SGSM1: variants seen among roughly 807,000 people sequenced by gnomAD.
The protein encoded by SGSM1 is RUN and TBC1 domain containing 2.
Under a neutral mutation model 133.8 loss-of-function variants are expected in SGSM1, and 73 were observed. The ratio of observed to expected loss-of-function variants is 0.55; its 90% CI spans 0.45 to 0.66. The LOEUF (loss-of-function observed/expected upper bound fraction) is 0.66, where lower values mean the gene tolerates loss of function less well. SGSM1 is among the 30% of genes least tolerant of loss of function. The probability of loss-of-function intolerance (pLI) is 0.00; values close to 1 mark genes in which losing one functional copy is unlikely to be tolerated. For synonymous variants in SGSM1, 563 were observed against 573.0 expected (o/e 0.98, Z 0.25); for missense variants, 1,213 against 1,448.1 (o/e 0.84, Z 2.64).
chr22:24,853,610 C>G (rs1057141244), intron 5 of SGSM1, among the ~76,000 whole-genome samples: 5 of 148,194 alleles, frequency 3.4e-5, no homozygotes, highest in African/African-American at 1.3e-4. Flanking sequence ...GCAAAAGGCA[C>G]TTCTTTTTTT....
At position 24,806,373 on chromosome 22, in the gene SGSM1, G is replaced by T. The variant is rs1158195641; in HGVS notation, c.19+29G>T. On this transcript the variant is annotated intron_variant, in intron 1 of 24. Transcript: ENST00000400358. ...AGAGGCCGCTGGACACGAGGGCGGC[G>T]GGAGGGCAGCGCCCGGCCCCCGCAC... 21 of 1,503,788 alleles carry T rather than the reference G, an allele frequency of 1.4e-5. No individual in the cohort carries two copies. The Admixed American group carries it at 4.2e-4, about 30-fold the overall frequency. 93.2% of individuals were successfully genotyped at this position (1,503,788 alleles called of 1,614,324 possible). A position where few individuals can be genotyped will look rare whatever the true frequency, so the allele number is the denominator to read the frequency against.
In SGSM1 at chr22:24,806,684, G is replaced by C. The variant is rs1927410165; in HGVS notation, c.63+200G>C. On this transcript the variant is annotated intron_variant, in intron 2 of 24. Coordinates refer to ENST00000400358, the MANE Select transcript of SGSM1 (RefSeq NM_001098497.3). The stretch of plus-strand genomic sequence containing the variant: ...TGGGGGTGGGCGTAGGTGTGGGGAG[G>C]CTTTGGCCCATTTGAGGCTTTTTGC... 2.6e-5 allele frequency among the ~76,000 whole-genome samples: 4 copies of C among 152,198 alleles called. No individual in the cohort carries two copies. In the South Asian group the frequency reaches 8.3e-4, roughly 32 times the overall value.
rs1030895819 is a variant in SGSM1 at position 24,806,254 on chromosome 22, C to T, written c.-72C>T. ...CCCCGCCGCGGCTGCAGCAGCAGCG[C>T]CGCGGCCGGAGGAGCTACCGCCGCC... is the stretch of plus-strand genomic sequence containing the variant. On this transcript the variant is annotated 5_prime_UTR_variant, in exon 1 of 25. Transcript: ENST00000400358. 4 of 1,349,008 alleles carry T rather than the reference C, an allele frequency of 3.0e-6. No homozygotes were observed. The highest frequency in any genetic ancestry group is 3.8e-6 in the Non-Finnish European group (4 of 1,057,106). 83.6% of individuals were successfully genotyped at this position (1,349,008 alleles called of 1,614,324 possible).
chr22:24,809,735 T>C (rs1197925141), intron 2 of SGSM1, among the ~76,000 whole-genome samples: 1 of 152,188 alleles, frequency 6.6e-6, no homozygotes, highest in Non-Finnish European at 1.5e-5. Context: ...CCTGTCCTCC[T>C]GGGGCTGACC....
chr22:24,821,923 G>A (rs5760687), intron 2 of SGSM1, among the ~76,000 whole-genome samples: 12 of 151,460 alleles, frequency 7.9e-5, no homozygotes, highest in African/African-American at 2.2e-4. Flanking sequence ...CCACATGGAC[G>A]ATTATCCCTC....
At chr22:24,842,837 G>A (rs180875457) in intron 2 of SGSM1, among the ~76,000 whole-genome samples, 236 of 152,272 alleles carry the variant, frequency 1.5e-3, no homozygotes, top group African/African-American at 5.2e-3. Context: ...CATTTATTGC[G>A]TGCCAGGTTC....
intron 9 of SGSM1, among the ~76,000 whole-genome samples, chr22:24,865,862 A>G (rs1274661562): frequency 2.6e-5 from 4 of 152,150 alleles, no homozygotes; most frequent in Non-Finnish European, 5.9e-5. Flanking sequence ...TCTCCGGTGG[A>G]CCATTGACTG....
intron 8 of SGSM1, 36 bp from the exon 9 acceptor site, chr22:24,859,680 C>T: frequency 6.2e-7 from 1 of 1,612,540 alleles, no homozygotes; most frequent in African/African-American, 1.3e-5. Context: ...GCAACTCCAG[C>T]ACCATGGCCA....
intron 4 of SGSM1, 44 bp downstream of exon 4, chr22:24,847,840 T>C (rs1389618380): frequency 3.1e-6 from 5 of 1,597,942 alleles, no homozygotes; most frequent in African/African-American, 1.3e-5. Context: ...GCTCCCCCAA[T>C]AGTCCACAGT....
At chr22:24,856,805 A>G (rs139688) in intron 8 of SGSM1, among the ~76,000 whole-genome samples, 18,498 of 142,116 alleles carry the variant, frequency 0.13, 1,842 homozygotes, top group African/African-American at 0.29. Context: ...GTCTCGCTCT[A>G]TTGCCCAGGC....
chr22:24,825,065 C>G (rs1358023158), intron 2 of SGSM1, among the ~76,000 whole-genome samples: 1 of 152,130 alleles, frequency 6.6e-6, no homozygotes, highest in Non-Finnish European at 1.5e-5. Context: ...CTTATCCCAG[C>G]TTAGGGGATG....
intron 8 of SGSM1, among the ~76,000 whole-genome samples, chr22:24,856,562 A>G (rs954558655): frequency 6.6e-6 from 1 of 152,082 alleles, no homozygotes; most frequent in Admixed American, 6.6e-5. Flanking sequence ...ATTTGGTTGC[A>G]TGGTCATTGT....
At chr22:24,907,691 G>A (rs1032295248) in intron 21 of SGSM1, among the ~76,000 whole-genome samples, 5 of 152,004 alleles carry the variant, frequency 3.3e-5, no homozygotes, top group Non-Finnish European at 7.4e-5. Flanking sequence ...TTGGGAGGCT[G>A]AGGTGGGCAG....
rs143989447 is a variant in SGSM1, at chr22:24,843,991, C to T, written c.64-906C>T. The T allele has an allele frequency of 4.7e-5, 7 of 148,086 alleles. No individual in the cohort carries two copies. The East Asian group carries it at 1.4e-3, about 29-fold the overall frequency. 9.2% of individuals were successfully genotyped at this position (148,086 alleles called of 1,614,324 possible). ...TCCAAGCAGGGATTTGAACTCAGGT[C>T]TACCTGATTCCAGGGCAGGTTTTTT... On this transcript the variant is annotated intron_variant, in intron 2 of 24. Transcript: ENST00000400358.
Position 24,924,514 on chromosome 22 carries a change from T to G in SGSM1, c.*240T>G. ...GACCAAAGATTGCCCAAGTCTGGCG[T>G]TCCTCCCTTGCAGGAGGTGGAGGTT... is the stretch of plus-strand genomic sequence containing the variant. On this transcript the variant is annotated 3_prime_UTR_variant, in exon 25 of 25. Transcript: ENST00000400358. 1.9e-6 allele frequency: 1 copy of G among 515,746 alleles called. No individual in the cohort carries two copies. The allele number at this position is 515,746 out of a possible 1,614,324, so 31.9% of individuals were successfully genotyped here.
chr22:24,917,818 A>T (rs551523517), intron 23 of SGSM1, 64 bp downstream of exon 23: 2 of 1,415,262 alleles, frequency 1.4e-6, no homozygotes, highest in East Asian at 4.6e-5. Context: ...AGGGGAAAAG[A>T]TCCCGTGGAG....
At chr22:24,810,878 A>G (rs558743182) in intron 2 of SGSM1, among the ~76,000 whole-genome samples, 36 of 152,206 alleles carry the variant, frequency 2.4e-4, no homozygotes, top group African/African-American at 8.2e-4. Context: ...ACTTGCTAAG[A>G]AGGTTGGAGA....
intron 3 of SGSM1, among the ~76,000 whole-genome samples, chr22:24,845,668 C>T (rs1360415784): frequency 6.6e-6 from 1 of 152,196 alleles, no homozygotes; most frequent in East Asian, 1.9e-4. Context: ...TGTGGAGAGG[C>T]CTGAGCTGGG....
chr22:24,830,483 A>G (rs139775584), intron 2 of SGSM1, among the ~76,000 whole-genome samples: 1 of 152,302 alleles, frequency 6.6e-6, no homozygotes, highest in African/African-American at 2.4e-5. Context: ...GTGTGTGAAT[A>G]CTGTCATGGG....
Sources: allele counts gnomAD v4.1 joint callset (sites outside exome capture counted in the v4.1 genomes callset), GRCh38; gene constraint gnomAD v4.1.1; transcripts MANE v1.5; gene names NCBI Gene and HGNC (gene_info 2026-07-23, HGNC 2026-07-21).